The following BCKDHB variants were observed in gnomAD, a reference collection of about 807,000 sequenced individuals.
The protein encoded by BCKDHB is 2-oxoisovalerate dehydrogenase subunit beta, mitochondrial.
BCKDHB carries 41 observed loss-of-function variants against 48.5 expected under a neutral mutation model. The observed-to-expected ratio is 0.85, with a 90% CI of 0.66 to 1.10. BCKDHB has a LOEUF of 1.10. BCKDHB is among the 50% of genes least tolerant of loss of function. BCKDHB has a pLI of 0.00. For missense variants in BCKDHB, 496 were observed against 494.2 expected, an observed-to-expected ratio of 1.00 and a Z score of -0.03; for synonymous variants, 201 against 174.8, an observed-to-expected ratio of 1.15 and a Z score of -1.18.
rs1554216141 is a variant in BCKDHB at position 80,342,556 on chromosome 6, G to GGAA, written c.1039-1108_1039-1107insGAA. On this transcript the variant is annotated intron_variant, in intron 9 of 9. Coordinates refer to ENST00000320393, the MANE Select transcript of BCKDHB (RefSeq NM_183050.4). Reference sequence around the variant, plus strand: ...GGCAACATAAGAAGACCTCATTTCTGAAAAAAAAAAAAAAAAAAAAAAAGA... The same window carrying GGAA: ...GGCAACATAAGAAGACCTCATTTCTGGAAAAAAAAAAAAAAAAAAAAAAAAAGA... Among the ~76,000 whole-genome samples, 29 of 24,098 alleles carry GGAA rather than the reference G, an allele frequency of 1.2e-3. 1 individual carries two copies. Among genetic ancestry groups the GGAA allele is most frequent in the African/African-American group, 4.4e-3 (27 of 6,168 alleles). The allele number at this position is 24,098 out of a possible 152,430, so 15.8% of individuals were successfully genotyped here. A position where few individuals can be genotyped will look rare whatever the true frequency, so the allele number is the denominator to read the frequency against.
At chr6:80,266,945 T>C (rs1446130926) in intron 8 of BCKDHB, among the ~76,000 whole-genome samples, 2 of 151,986 alleles carry the variant, frequency 1.3e-5, no homozygotes, top group Non-Finnish European at 2.9e-5. Flanking sequence ...TCCATGCTCT[T>C]GAATGATTTG....
intron 1 of BCKDHB, among the ~76,000 whole-genome samples, chr6:80,121,599 T>G (rs768338312): frequency 2.6e-5 from 4 of 152,210 alleles, no homozygotes; most frequent in Non-Finnish European, 5.9e-5. Flanking sequence ...ATTGGATTCC[T>G]AGGTATTTTA....
chr6:80,400,552 G>C, the BCKDHB span, among the ~76,000 whole-genome samples: 2 of 151,850 alleles, frequency 1.3e-5, no homozygotes, highest in South Asian at 4.1e-4. Context: ...ATGGCTATTA[G>C]TAAAAAGTCA....
At chr6:80,427,119 C>T in the BCKDHB span, among the ~76,000 whole-genome samples, 2 of 151,906 alleles carry the variant, frequency 1.3e-5, no homozygotes, top group African/African-American at 4.8e-5. Context: ...ATTTTTCATT[C>T]ATTCTAAAAA....
chr6:80,345,959 A>G lies in BCKDHB; in HGVS notation c.*2155A>G, dbSNP rs528696017. The G allele has an allele frequency of 9.2e-5, 14 of 152,366 alleles. No homozygotes were observed. The South Asian group carries it at 2.1e-3, about 23-fold the overall frequency. The allele number at this position is 152,366 out of a possible 1,614,324, so 9.4% of individuals were successfully genotyped here. ...GTCATGTATGCAATTGAGAAAGTCT[A>G]TAATTTATTTTACAGAAAAGCTGGA... On this transcript the variant is annotated 3_prime_UTR_variant, in exon 10 of 10. Coordinates refer to ENST00000320393, the MANE Select transcript of BCKDHB (RefSeq NM_183050.4).
chr6:80,167,599 T>C (rs924160428), intron 3 of BCKDHB, 79 bp from the exon 4 acceptor site: 1 of 1,387,738 alleles, frequency 7.2e-7, no homozygotes, highest in Non-Finnish European at 1.0e-6. Context: ...CCATTATTAG[T>C]TTACTGAATT....
At chr6:80,411,536 G>T in the BCKDHB span, among the ~76,000 whole-genome samples, 1 of 152,234 alleles carries the variant, frequency 6.6e-6, no homozygotes, top group African/African-American at 2.4e-5. Context: ...GAAGTAGTCT[G>T]CTGGCTTTTG....
intron 1 of BCKDHB, among the ~76,000 whole-genome samples, chr6:80,108,288 C>A (rs1582152026): frequency 1.3e-5 from 2 of 149,912 alleles, no homozygotes. Flanking sequence ...CAGTAGGTAC[C>A]ATAAAGGTTA....
intron 3 of BCKDHB, among the ~76,000 whole-genome samples, chr6:80,156,213 T>A (rs1016177379): frequency 5.3e-5 from 8 of 151,816 alleles, no homozygotes; most frequent in Admixed American, 5.3e-4. Flanking sequence ...TAATATAAGC[T>A]TTTTCTGGGT....
chr6:80,390,075 T>A, the BCKDHB span, among the ~76,000 whole-genome samples: 1 of 152,156 alleles, frequency 6.6e-6, no homozygotes, highest in South Asian at 2.1e-4. Context: ...TACTTTTAAG[T>A]CAACAGACTA....
chr6:80,389,027 CAAAG>C, the BCKDHB span, among the ~76,000 whole-genome samples: 1 of 152,124 alleles, frequency 6.6e-6, no homozygotes, highest in Non-Finnish European at 1.5e-5. Flanking sequence ...AAATTGGTGA[CAAAG>C]AAATTTGGGG....
chr6:80,106,713 C>T lies in BCKDHB; in HGVS notation c.20C>T (p.Ala7Val), dbSNP rs763552519. Residue 7 changes from alanine to valine, a missense_variant, in exon 1 of 10, where the codon GCT becomes GTT. Transcript: ENST00000320393. ...GCGGGGATGGCGGTTGTAGCGGCGG[C>T]TGCCGGCTGGCTACTCAGGCTCAGG... MAVVAA[A>V]AGWLLRLRAA... is the part of the protein sequence containing the mutation. 4 of 1,552,058 alleles carry T rather than the reference C, an allele frequency of 2.6e-6. No homozygotes were observed. The highest frequency in any genetic ancestry group is 3.5e-6 in the Non-Finnish European group (4 of 1,148,606).
Position 80,201,004 on chromosome 6 carries a change from T to C in BCKDHB, c.813T>C (p.Asp271=). The part of the protein sequence containing the change: ...SQAEVIQEGS[D]VTLVAWGTQV... ...CCGAAGTCATACAGGAAGGGAGTGA[T>C]GTTACTCTAGTTGCCTGGGGCACTC... Residue 271 remains aspartate, a synonymous_variant, in exon 7 of 10, where the codon GAT becomes GAC. Coordinates refer to ENST00000320393, the MANE Select transcript of BCKDHB (RefSeq NM_183050.4). The C allele has an allele frequency of 1.2e-6, 2 of 1,612,650 alleles. No individual in the cohort carries two copies. The highest frequency in any genetic ancestry group is 1.7e-6 in the Non-Finnish European group (2 of 1,178,858).
chr6:80,322,522 C>T (rs999112338), intron 9 of BCKDHB, among the ~76,000 whole-genome samples: 5 of 152,070 alleles, frequency 3.3e-5, no homozygotes, highest in South Asian at 2.1e-4. Flanking sequence ...CAGGCATGAG[C>T]CCCCACACCT....
chr6:80,366,024 G>A, the BCKDHB span, among the ~76,000 whole-genome samples: 1 of 152,198 alleles, frequency 6.6e-6, no homozygotes, highest in Non-Finnish European at 1.5e-5. Flanking sequence ...TACAGTATAT[G>A]CAGTTTGTGC....
chr6:80,240,537 G>A (rs1776338770), intron 8 of BCKDHB, among the ~76,000 whole-genome samples: 1 of 152,168 alleles, frequency 6.6e-6, no homozygotes, highest in African/African-American at 2.4e-5. Flanking sequence ...CTTTACTGAA[G>A]TTGCTTATCA....
intron 8 of BCKDHB, among the ~76,000 whole-genome samples, chr6:80,208,750 T>A (rs1012969947): frequency 5.9e-5 from 9 of 151,968 alleles, no homozygotes; most frequent in African/African-American, 2.2e-4. Flanking sequence ...ATCTGAATAG[T>A]CATGATCTAT....
intron 9 of BCKDHB, among the ~76,000 whole-genome samples, chr6:80,289,669 C>G (rs1266954812): frequency 1.3e-5 from 2 of 152,158 alleles, no homozygotes; most frequent in Non-Finnish European, 2.9e-5. Context: ...AAAGCTCACT[C>G]TCACCGCCAG....
chr6:80,136,202 T>G (rs1041046945), intron 3 of BCKDHB, among the ~76,000 whole-genome samples: 1 of 152,126 alleles, frequency 6.6e-6, no homozygotes, highest in African/African-American at 2.4e-5. Flanking sequence ...TCACAGTTCT[T>G]TTTTTCAAAA....
Sources: allele counts gnomAD v4.1 joint callset (sites outside exome capture counted in the v4.1 genomes callset), GRCh38; gene constraint gnomAD v4.1.1; transcripts MANE v1.5; gene names NCBI Gene and HGNC (gene_info 2026-07-23, HGNC 2026-07-21).